Variants in TGFBR3 observed in about 807,000 individuals in gnomAD.
TGFBR3 encodes the protein transforming growth factor beta receptor type 3.
TGFBR3 carries 46 observed loss-of-function variants against 87.9 expected under a neutral mutation model. The ratio of observed to expected loss-of-function variants is 0.52; its 90% CI spans 0.41 to 0.67. TGFBR3 has a LOEUF of 0.67. Ranked by LOEUF, TGFBR3 falls within the 30% of genes least tolerant of loss-of-function variation. The pLI is 0.00. For synonymous variants in TGFBR3, 381 were observed against 391.6 expected (o/e 0.97, Z 0.32); for missense variants, 866 against 1,041.9 (o/e 0.83, Z 2.32).
intron 10 of TGFBR3, among the ~76,000 whole-genome samples, chr1:91,718,629 C>G (rs868170479): frequency 2.0e-5 from 3 of 152,114 alleles, no homozygotes; most frequent in South Asian, 2.1e-4. Context: ...GTCTCTGCAC[C>G]CAAGAGAATG....
At chr1:91,757,671 T>C (rs1673795757) in intron 4 of TGFBR3, among the ~76,000 whole-genome samples, 1 of 152,236 alleles carries the variant, frequency 6.6e-6, no homozygotes. Context: ...TATGTACTTA[T>C]TATAATAATT....
intron 3 of TGFBR3, among the ~76,000 whole-genome samples, chr1:91,792,644 T>C (rs1199705341): frequency 2.0e-5 from 3 of 152,190 alleles, no homozygotes; most frequent in South Asian, 4.1e-4. Flanking sequence ...AATGAAAGTA[T>C]GTTACTGTAA....
intron 2 of TGFBR3, among the ~76,000 whole-genome samples, chr1:91,815,301 AAAAAT>A (rs71586714): frequency 0.28 from 39,378 of 140,820 alleles, 6,509 homozygotes; most frequent in African/African-American, 0.46. Flanking sequence ...GACTCCATCT[AAAAAT>A]AAAATAAAAT....
chr1:91,735,146 CA>C (rs1224407655), intron 4 of TGFBR3, among the ~76,000 whole-genome samples, 187 bp from the exon 5 acceptor site: 1 of 152,216 alleles, frequency 6.6e-6, no homozygotes, highest in Non-Finnish European at 1.5e-5. Flanking sequence ...CAGACAAAGG[CA>C]AAACTACCAA....
chr1:91,791,669 GAGTATGGGAAA>G (rs1197633484), intron 3 of TGFBR3, among the ~76,000 whole-genome samples: 5 of 152,208 alleles, frequency 3.3e-5, no homozygotes, highest in African/African-American at 1.2e-4. Context: ...CAACTAGCTG[GAGTATGGGAAA>G]AGCTTGCAGC....
intron 2 of TGFBR3, among the ~76,000 whole-genome samples, chr1:91,856,259 G>A (rs1557747117): frequency 1.3e-5 from 2 of 152,006 alleles, no homozygotes; most frequent in African/African-American, 2.4e-5. Context: ...GTAGAGACGG[G>A]GTTTCACCGT....
At chr1:91,862,284 A>G (rs186461289) in intron 1 of TGFBR3, among the ~76,000 whole-genome samples, 53 of 152,374 alleles carry the variant, frequency 3.5e-4, no homozygotes, top group African/African-American at 1.2e-3. Context: ...CACTTGATAC[A>G]TGCAACCCTA....
chr1:91,680,610 T>C lies in TGFBR3; in HGVS notation c.*3129A>G, dbSNP rs1046489373. 4 of 453,892 alleles carry C rather than the reference T, an allele frequency of 8.8e-6. No individual in the cohort carries two copies. The highest frequency in any genetic ancestry group is 1.8e-5 in the Non-Finnish European group (4 of 226,788). The allele number at this position is 453,892 out of a possible 1,614,324, so 28.1% of individuals were successfully genotyped here. Reference sequence around the variant, plus strand: ...ATTTGGAAACTGATAATAGTCCTTTTTAGAAAAACATCTGTCAGTTTCATG... The same window carrying C: ...ATTTGGAAACTGATAATAGTCCTTTCTAGAAAAACATCTGTCAGTTTCATG... On this transcript the variant is annotated 3_prime_UTR_variant, in exon 17 of 17. Transcript: ENST00000212355.
At chr1:91,718,009 G>A (rs1214036412) in intron 10 of TGFBR3, among the ~76,000 whole-genome samples, 1 of 151,890 alleles carries the variant, frequency 6.6e-6, no homozygotes, top group Non-Finnish European at 1.5e-5. Context: ...GTAGACACTG[G>A]ATAACTGAAC....
At position 91,695,710 on chromosome 1, in the gene TGFBR3, AG is replaced by A. The variant is rs1263861449; in HGVS notation, c.2398del (p.Leu800SerfsTer2). 6.2e-7 allele frequency: 1 copy of A among 1,614,208 alleles called. No homozygotes were observed. Among genetic ancestry groups the A allele is most frequent in the East Asian group, 2.2e-5 (1 of 44,884 alleles). The part of the protein sequence containing the change: ...IAFAAFVIGA[L>X]LTGALWYIYS... ...GATGTACCACAAGGCCCCCGTCAGG[AG>A]TGCTCCGATCACAAAGGCTGCAAAC... is the stretch of plus-strand genomic sequence containing the variant. On this transcript the variant is annotated frameshift_variant, in exon 16 of 17. Transcript: ENST00000212355. LOFTEE classifies it high-confidence loss of function.
chr1:91,882,788 T>C (rs1042072740), intron 1 of TGFBR3, among the ~76,000 whole-genome samples: 4 of 152,160 alleles, frequency 2.6e-5, no homozygotes, highest in Non-Finnish European at 5.9e-5. Flanking sequence ...AGTGTGATTT[T>C]TTCAAGCATA....
chr1:91,771,159 G>A (rs1674364257), intron 3 of TGFBR3, among the ~76,000 whole-genome samples: 1 of 152,152 alleles, frequency 6.6e-6, no homozygotes, highest in African/African-American at 2.4e-5. Flanking sequence ...TAAGCGTGAA[G>A]TTACTAAACT....
chr1:91,753,525 T>C (rs1251317949), intron 4 of TGFBR3, among the ~76,000 whole-genome samples: 1 of 152,046 alleles, frequency 6.6e-6, no homozygotes, highest in Non-Finnish European at 1.5e-5. Flanking sequence ...TCACAAGGTG[T>C]GGTATATTCA....
At chr1:91,716,525 G>C in intron 11 of TGFBR3, 43 bp downstream of exon 11, 1 of 1,614,032 alleles carries the variant, frequency 6.2e-7, no homozygotes, top group Non-Finnish European at 8.5e-7. Flanking sequence ...CAACAAAATA[G>C]ACAGCATTTT....
chr1:91,790,798 A>C (rs1419913315), intron 3 of TGFBR3, among the ~76,000 whole-genome samples: 1 of 152,170 alleles, frequency 6.6e-6, no homozygotes, highest in Non-Finnish European at 1.5e-5. Flanking sequence ...GATAGAGAAA[A>C]GAATGTAGCT....
intron 2 of TGFBR3, among the ~76,000 whole-genome samples, chr1:91,828,940 C>T (rs1438466588): frequency 1.3e-5 from 2 of 152,120 alleles, no homozygotes; most frequent in African/African-American, 2.4e-5. Context: ...CTTATACGTA[C>T]GTGAAGGAGT....
chr1:91,834,458 G>T (rs1370425964), intron 2 of TGFBR3, among the ~76,000 whole-genome samples: 2 of 152,164 alleles, frequency 1.3e-5, no homozygotes, highest in Non-Finnish European at 2.9e-5. Flanking sequence ...TTATTTTCCT[G>T]CACTAAAGTG....
At chr1:91,805,572 C>T (rs978592825) in intron 2 of TGFBR3, among the ~76,000 whole-genome samples, 2 of 152,238 alleles carry the variant, frequency 1.3e-5, no homozygotes, top group Admixed American at 1.3e-4. Flanking sequence ...GCCCAGACCA[C>T]GGCCACACTG....
chr1:91,846,942 G>GA (rs1326485449), intron 2 of TGFBR3, among the ~76,000 whole-genome samples: 2 of 152,000 alleles, frequency 1.3e-5, no homozygotes, highest in Non-Finnish European at 2.9e-5. Flanking sequence ...GGGGCAAAAA[G>GA]AAAAAATATT....
Sources: gnomAD v4.1 joint callset for allele counts (sites outside exome capture counted in the v4.1 genomes callset) on GRCh38, gnomAD v4.1.1 for gene constraint, MANE v1.5 for transcripts, NCBI Gene and HGNC (gene_info 2026-07-23, HGNC 2026-07-21) for gene names.